PDXDC1: variants seen among roughly 807,000 people sequenced by gnomAD.
PDXDC1 encodes the protein pyridoxal dependent decarboxylase domain containing 1, also known as pyridoxal-dependent decarboxylase domain-containing protein 1.
PDXDC1 carries 42 observed loss-of-function variants against 100.1 expected under a neutral mutation model. That is an observed-to-expected ratio of 0.42 (90% confidence interval 0.33 to 0.54). The LOEUF (loss-of-function observed/expected upper bound fraction) is 0.54. PDXDC1 is among the 20% of genes least tolerant of loss of function. The pLI, the probability that PDXDC1 is intolerant of heterozygous loss-of-function variation, is 0.10. For missense variants in PDXDC1, 636 were observed against 979.2 expected (o/e 0.65, Z 4.68); for synonymous variants, 260 against 371.7 (o/e 0.70, Z 3.46).
Position 15,017,169 on chromosome 16 carries a change from G to A in PDXDC1, c.861+1G>A, listed in dbSNP as rs1418458888. ...GGGTTATGTCTCCTCATCAGTGCTG[G>A]TATGTTGTTGATTTACTGAATATTG... On this transcript the variant is annotated splice_donor_variant, in intron 10 of 22. Coordinates refer to ENST00000396410, the MANE Select transcript of PDXDC1 (RefSeq NM_015027.4). LOFTEE classifies it high-confidence loss of function. 1.9e-6 allele frequency: 3 copies of A among 1,613,192 alleles called. No individual in the cohort carries two copies. The highest frequency in any genetic ancestry group is 2.7e-5 in the African/African-American group (2 of 74,898).
intron 7 of PDXDC1, among the ~76,000 whole-genome samples, 188 bp downstream of exon 7, chr16:15,009,035 CAG>C (rs900973893): frequency 7.2e-5 from 11 of 152,398 alleles, no homozygotes; most frequent in African/African-American, 2.6e-4. Context: ...GTATATAGGT[CAG>C]GAGCACCTGG....
At chr16:15,084,485 C>T (rs1191664029) in intron 16 of PDXDC1, among the ~76,000 whole-genome samples, 2 of 152,096 alleles carry the variant, frequency 1.3e-5, no homozygotes, top group African/African-American at 4.8e-5. Flanking sequence ...AATGGAAATG[C>T]CACTTTTTGT....
intron 19 of PDXDC1, 197 bp from the exon 20 acceptor site, chr16:15,034,089 A>C: frequency 1.7e-6 from 1 of 595,456 alleles, no homozygotes; most frequent in Admixed American, 2.9e-5. Flanking sequence ...GAGGCTGGTC[A>C]CCAAGGTGTG....
At chr16:15,125,289 A>C (rs1192851269) in intron 16 of PDXDC1, 1 of 639,798 alleles carries the variant, frequency 1.6e-6, no homozygotes, top group African/African-American at 1.8e-5. Flanking sequence ...GGTCCGGCCA[A>C]CTGGGCGTTC....
In PDXDC1 at chr16:15,076,660, A is replaced by T. The variant is rs552142813; in HGVS notation, c.1399+46604A>T. 2.8e-5 allele frequency: 43 copies of T among 1,561,636 alleles called. No individual in the cohort carries two copies. The South Asian group carries it at 3.0e-4, about 11-fold the overall frequency. ...GCCGGGATGCATTCACCTATAACAAAGGGAGAAAAAAAAAGAATAAAAGGA... is the reference window on the plus strand; with the variant it reads ...GCCGGGATGCATTCACCTATAACAATGGGAGAAAAAAAAAGAATAAAAGGA... On this transcript the variant is annotated intron_variant, in intron 16 of 16. Coordinates refer to the PDXDC1 transcript ENST00000535621.
chr16:15,003,559 A>G lies in PDXDC1; in HGVS notation c.243-628A>G, dbSNP rs186866607. Among the ~76,000 whole-genome samples, 81 of 152,374 alleles carry G rather than the reference A, an allele frequency of 5.3e-4. No homozygotes were observed. In the East Asian group the frequency reaches 0.012, roughly 23 times the overall value. On this transcript the variant is annotated intron_variant, in intron 4 of 22. Coordinates refer to ENST00000396410, the MANE Select transcript of PDXDC1 (RefSeq NM_015027.4). ...AAATGCTTTCAGCTCATTTTACCTTAGCTCTACCCTCCACAATTCTTAAGG... is the reference window on the plus strand; with the variant it reads ...AAATGCTTTCAGCTCATTTTACCTTGGCTCTACCCTCCACAATTCTTAAGG...
chr16:15,057,358 A>G (rs1298693041), intron 16 of PDXDC1, among the ~76,000 whole-genome samples: 1 of 152,192 alleles, frequency 6.6e-6, no homozygotes, highest in African/African-American at 2.4e-5. Context: ...AGCTACTATC[A>G]ACACCTCATT....
intron 16 of PDXDC1, among the ~76,000 whole-genome samples, chr16:15,046,300 G>C (rs971959363): frequency 6.6e-6 from 1 of 152,210 alleles, no homozygotes; most frequent in African/African-American, 2.4e-5. Flanking sequence ...CTTCGTATAT[G>C]ATGGGAGTAG....
At chr16:15,064,693 G>A (rs2044880616) in intron 16 of PDXDC1, among the ~76,000 whole-genome samples, 2 of 152,226 alleles carry the variant, frequency 1.3e-5, no homozygotes, top group South Asian at 4.1e-4. Context: ...GTGAGGCAAA[G>A]ATCTACCCAC....
In PDXDC1 at chr16:15,079,761, T is replaced by G. The variant is rs2941254; in HGVS notation, c.1399+49705T>G. ...GCACCCACCATCATGCCTGGCTAAT[T>G]TTTTATTTGTATTTTTATAGAGACG... On this transcript the variant is annotated intron_variant, in intron 16 of 16. Transcript: ENST00000535621. Among the ~76,000 whole-genome samples, 1,328 of 152,186 alleles carry G rather than the reference T, an allele frequency of 8.7e-3. 10 individuals are homozygous for G. The highest frequency in any genetic ancestry group is 0.013 in the Non-Finnish European group (866 of 68,004).
Position 15,029,989 on chromosome 16 carries a change from C to A in PDXDC1, c.1332C>A (p.Gly444=). ...TGAAGCAGCTGGTGCCTGCAAGCGG[C>A]CTCACAGTCATGGATCTGGAAGCTG... ...EQLKQLVPAS[G]LTVMDLEAEG... Residue 444 remains glycine, a synonymous_variant, in exon 16 of 23, where the codon GGC becomes GGA. Transcript: ENST00000396410. 1 of 1,555,432 alleles carries A rather than the reference C, an allele frequency of 6.4e-7. No homozygotes were observed. Among genetic ancestry groups the A allele is most frequent in the Non-Finnish European group, 8.7e-7 (1 of 1,149,032 alleles).
At chr16:15,047,570 G>C in intron 16 of PDXDC1, 1 of 1,551,476 alleles carries the variant, frequency 6.4e-7, no homozygotes, top group Non-Finnish European at 8.9e-7. Flanking sequence ...AAGGGTGAAA[G>C]GACTCAAGTT....
chr16:15,044,652 C>G (rs1411204982), intron 16 of PDXDC1: 1 of 553,118 alleles, frequency 1.8e-6, no homozygotes, highest in East Asian at 3.0e-5. Flanking sequence ...AAATGTGATG[C>G]CGCCTCCATG....
intron 16 of PDXDC1, among the ~76,000 whole-genome samples, chr16:15,082,551 T>C (rs934156480): frequency 1.3e-5 from 2 of 151,952 alleles, no homozygotes; most frequent in Admixed American, 6.6e-5. Flanking sequence ...CCCATGTCTA[T>C]AGTCCCACCT....
intron 1 of PDXDC1, among the ~76,000 whole-genome samples, chr16:14,995,183 T>C (rs1280612055): frequency 1.3e-5 from 2 of 152,288 alleles, no homozygotes; most frequent in Non-Finnish European, 1.5e-5. Context: ...CCGTGTTGAA[T>C]AGGAGTGGTG....
chr16:15,039,992 C>A, downstream of PDXDC1: 1 of 1,607,812 alleles, frequency 6.2e-7, no homozygotes, highest in Non-Finnish European at 8.5e-7. Flanking sequence ...AAAGTTCGCG[C>A]AGCACGAAGC....
chr16:15,038,300 CAAATATATATAATAA>C lies in PDXDC1; in HGVS notation c.*2028_*2042del. The C allele has an allele frequency of 2.2e-6, 2 of 901,774 alleles. No homozygotes were observed. The highest frequency in any genetic ancestry group is 1.7e-5 in the South Asian group (1 of 57,686). The allele number at this position is 901,774 out of a possible 1,614,324, so 55.9% of individuals were successfully genotyped here. A position where few individuals can be genotyped will look rare whatever the true frequency, so the allele number is the denominator to read the frequency against. ...GTCAAAGTATCTTTGTTCTTGGACA[CAAATATATATAATAA>C]AATACGTTAAGAAATGAGGTGGCCT... is the stretch of plus-strand genomic sequence containing the variant. On this transcript the variant is annotated 3_prime_UTR_variant, in exon 23 of 23. Transcript: ENST00000396410.
intron 13 of PDXDC1, chr16:15,025,320 C>T (rs1358182848): frequency 1.3e-5 from 2 of 152,380 alleles, no homozygotes; most frequent in Non-Finnish European, 2.9e-5. Flanking sequence ...TCTGCCATCT[C>T]CTAGCTGAGG....
chr16:15,034,592 T>G, intron 21 of PDXDC1, 39 bp downstream of exon 21: 1 of 1,495,920 alleles, frequency 6.7e-7, no homozygotes, highest in Non-Finnish European at 9.3e-7. Context: ...TTGCTGACCT[T>G]GGGAGGTTTC....
Sources: gnomAD v4.1 joint callset for allele counts (sites outside exome capture counted in the v4.1 genomes callset) on GRCh38, gnomAD v4.1.1 for gene constraint, MANE v1.5 for transcripts, NCBI Gene and HGNC (gene_info 2026-07-23, HGNC 2026-07-21) for gene names.